The following ZFAND3 variants were observed in gnomAD, a reference collection of about 807,000 sequenced individuals.
The protein encoded by ZFAND3 is AN1-type zinc finger protein 3.
Under a neutral mutation model 29.6 loss-of-function variants are expected in ZFAND3, and 10 were observed. The ratio of observed to expected loss-of-function variants is 0.34; its 90% CI spans 0.21 to 0.57. The LOEUF (loss-of-function observed/expected upper bound fraction) is 0.57, where lower values mean the gene tolerates loss of function less well. ZFAND3 is among the 20% of genes least tolerant of loss of function. The probability of loss-of-function intolerance (pLI) is 0.86; values close to 1 mark genes in which losing one functional copy is unlikely to be tolerated. For synonymous variants in ZFAND3, 128 were observed against 112.6 expected (o/e 1.14, Z -0.87); for missense variants, 230 against 304.5 (o/e 0.76, Z 1.82).
intron 1 of ZFAND3, among the ~76,000 whole-genome samples, chr6:37,835,562 T>TA (rs1763952413): frequency 6.6e-6 from 1 of 151,972 alleles, no homozygotes; most frequent in African/African-American, 2.4e-5. Flanking sequence ...AATCCTTTTT[T>TA]AAAAAAATTA....
At chr6:38,009,762 A>T (rs575668666) in intron 2 of ZFAND3, among the ~76,000 whole-genome samples, 1 of 152,208 alleles carries the variant, frequency 6.6e-6, no homozygotes, top group African/African-American at 2.4e-5. Flanking sequence ...TTAAGAGACA[A>T]TGTTATGACT....
chr6:38,140,491 GT>G (rs140051924), intron 5 of ZFAND3, among the ~76,000 whole-genome samples: 10,238 of 152,114 alleles, frequency 0.067, 413 homozygotes, highest in Non-Finnish European at 0.087. Flanking sequence ...CATTCGTAGG[GT>G]GTTTTGTTTT....
At chr6:37,994,770 T>C (rs1378626443) in intron 2 of ZFAND3, among the ~76,000 whole-genome samples, 1 of 152,208 alleles carries the variant, frequency 6.6e-6, no homozygotes, top group Non-Finnish European at 1.5e-5. Context: ...CAATGAAGAT[T>C]TACCAAGGAT....
intron 5 of ZFAND3, among the ~76,000 whole-genome samples, chr6:38,143,574 G>A (rs924243929): frequency 1.3e-5 from 2 of 152,280 alleles, no homozygotes; most frequent in African/African-American, 2.4e-5. Context: ...TTTTAAAGCT[G>A]TCTCGATATG....
intron 1 of ZFAND3, among the ~76,000 whole-genome samples, chr6:37,888,669 A>G (rs1462852170): frequency 1.3e-5 from 2 of 152,126 alleles, no homozygotes; most frequent in Admixed American, 1.3e-4. Context: ...GATATGTTTT[A>G]CTATTTGCGG....
intron 2 of ZFAND3, among the ~76,000 whole-genome samples, chr6:38,035,091 TTTTC>T (rs1478051255): frequency 1.3e-5 from 2 of 152,078 alleles, no homozygotes; most frequent in Non-Finnish European, 2.9e-5. Context: ...ATAGGCCTGC[TTTTC>T]TTTCTTGGTG....
intron 1 of ZFAND3, among the ~76,000 whole-genome samples, chr6:37,929,444 A>T (rs1761551087): frequency 6.6e-6 from 1 of 152,214 alleles, no homozygotes; most frequent in African/African-American, 2.4e-5. Context: ...TTTAAACAAG[A>T]AGGTCATAAT....
intron 2 of ZFAND3, among the ~76,000 whole-genome samples, chr6:37,971,234 C>T (rs948748834): frequency 7.9e-5 from 12 of 152,122 alleles, no homozygotes; most frequent in African/African-American, 2.4e-4. Context: ...TCTAAGCCGT[C>T]TCGTGCCCCA....
At chr6:38,068,644 A>G (rs17589516) in intron 3 of ZFAND3, among the ~76,000 whole-genome samples, 9,972 of 152,288 alleles carry the variant, frequency 0.065, 452 homozygotes, top group Middle Eastern at 0.1. Flanking sequence ...TTTTGCATCT[A>G]TAATACGGGA....
At chr6:37,993,085 A>C (rs1581820893) in intron 2 of ZFAND3, among the ~76,000 whole-genome samples, 1 of 152,250 alleles carries the variant, frequency 6.6e-6, no homozygotes, top group Middle Eastern at 3.4e-3. Context: ...TTCATTGTAC[A>C]CATACATTTT....
intron 4 of ZFAND3, among the ~76,000 whole-genome samples, chr6:38,114,428 C>T (rs968678950): frequency 1.3e-5 from 2 of 152,196 alleles, no homozygotes; most frequent in Admixed American, 6.5e-5. Flanking sequence ...ACTGACTGGG[C>T]CTGGACAGCT....
At chr6:37,831,635 T>C (rs1201258766) in intron 1 of ZFAND3, among the ~76,000 whole-genome samples, 1 of 152,128 alleles carries the variant, frequency 6.6e-6, no homozygotes, top group East Asian at 1.9e-4. Context: ...GAGCTTCTCA[T>C]GAGTTAGGTT....
At chr6:37,859,200 AG>A (rs1279958668) in intron 1 of ZFAND3, among the ~76,000 whole-genome samples, 2 of 152,220 alleles carry the variant, frequency 1.3e-5, no homozygotes, top group African/African-American at 4.8e-5. Context: ...CCTGCTTTAC[AG>A]GATTGTTGAA....
chr6:38,122,855 T>C (rs1765561304), intron 5 of ZFAND3, among the ~76,000 whole-genome samples: 2 of 152,126 alleles, frequency 1.3e-5, no homozygotes, highest in Non-Finnish European at 2.9e-5. Context: ...GCTTTCACAA[T>C]TGGGGCTTTA....
chr6:37,962,072 AT>A (rs1000472520), intron 2 of ZFAND3, among the ~76,000 whole-genome samples: 5 of 152,238 alleles, frequency 3.3e-5, no homozygotes, highest in African/African-American at 1.2e-4. Flanking sequence ...CAGACAGAGA[AT>A]TCAAAACATC....
rs149183692 is a variant in ZFAND3 at position 38,102,279 on chromosome 6, A to G, written c.362-14293A>G. Among the ~76,000 whole-genome samples the G allele has an allele frequency of 1.7e-3, 263 of 152,286 alleles. 1 individual carries two copies. Among genetic ancestry groups the G allele is most frequent in the African/African-American group, 6.0e-3 (248 of 41,564 alleles). On this transcript the variant is annotated intron_variant, in intron 4 of 5. Coordinates refer to ENST00000287218, the MANE Select transcript of ZFAND3 (RefSeq NM_021943.3). ...AACATTTGGAAGATGAGAAACACTCACGAGTAGGGTACTTAGGCATCATAG... is the reference window on the plus strand; with the variant it reads ...AACATTTGGAAGATGAGAAACACTCGCGAGTAGGGTACTTAGGCATCATAG...
intron 1 of ZFAND3, among the ~76,000 whole-genome samples, chr6:37,892,080 C>T (rs7746266): frequency 0.22 from 32,703 of 151,990 alleles, 4,351 homozygotes; most frequent in African/African-American, 0.37. Flanking sequence ...GTATAGACAA[C>T]GTAGTAGGCC....
intron 4 of ZFAND3, among the ~76,000 whole-genome samples, 191 bp from the exon 5 acceptor site, chr6:38,116,381 G>A (rs1245854813): frequency 6.6e-6 from 1 of 152,180 alleles, no homozygotes; most frequent in Non-Finnish European, 1.5e-5. Context: ...CTTGTTAGAA[G>A]TCAGCACTAA....
intron 2 of ZFAND3, among the ~76,000 whole-genome samples, chr6:37,986,303 T>G (rs925682306): frequency 6.6e-6 from 1 of 152,214 alleles, no homozygotes; most frequent in African/African-American, 2.4e-5. Context: ...ATTACCTGCC[T>G]TATCCTTTAG....
Sources: gnomAD v4.1 joint callset for allele counts (sites outside exome capture counted in the v4.1 genomes callset) on GRCh38, gnomAD v4.1.1 for gene constraint, MANE v1.5 for transcripts, NCBI Gene and HGNC (gene_info 2026-07-23, HGNC 2026-07-21) for gene names.